CNTN4: variants seen among roughly 807,000 people sequenced by gnomAD.
The protein encoded by CNTN4 is contactin-4.
In CNTN4, 77 loss-of-function variants were observed where a neutral mutation model predicts 122.5. That is an observed-to-expected ratio of 0.63 (90% CI 0.52 to 0.76). CNTN4 has a LOEUF of 0.76. Among genes scored for constraint, CNTN4 ranks in the 30% least tolerant of loss-of-function variants. CNTN4 has a pLI of 0.00. For synonymous variants in CNTN4, 512 were observed against 447.0 expected (o/e 1.15, Z -1.83); for missense variants, 1,256 against 1,259.1 (o/e 1.00, Z 0.04).
At chr3:2,410,002 G>A (rs940814486) in intron 3 of CNTN4, among the ~76,000 whole-genome samples, 2 of 152,078 alleles carry the variant, frequency 1.3e-5, no homozygotes, top group Admixed American at 1.3e-4. Context: ...TTCAGTTTGG[G>A]GGAATGTTAA....
intron 6 of CNTN4, among the ~76,000 whole-genome samples, chr3:2,770,906 T>C (rs1436885070): frequency 2.0e-5 from 3 of 152,232 alleles, no homozygotes; most frequent in African/African-American, 7.2e-5. Flanking sequence ...ATAGTAACAA[T>C]GTGTTTTACT....
chr3:2,608,430 A>G (rs2081346763), intron 4 of CNTN4, among the ~76,000 whole-genome samples: 1 of 152,076 alleles, frequency 6.6e-6, no homozygotes, highest in Non-Finnish European at 1.5e-5. Context: ...ACTGCACTAC[A>G]GCCTGGGCAA....
chr3:2,576,610 C>T (rs1438505920), intron 4 of CNTN4, among the ~76,000 whole-genome samples: 1 of 150,188 alleles, frequency 6.7e-6, no homozygotes, highest in Non-Finnish European at 1.5e-5. Context: ...TGCAGTGGCA[C>T]GATCTTGGCT....
At chr3:2,529,154 C>T (rs188805159) in intron 3 of CNTN4, among the ~76,000 whole-genome samples, 3 of 152,096 alleles carry the variant, frequency 2.0e-5, no homozygotes, top group Non-Finnish European at 2.9e-5. Flanking sequence ...CTCTCTACTT[C>T]TAGGAGATCA....
intron 3 of CNTN4, among the ~76,000 whole-genome samples, chr3:2,521,126 G>C (rs2077197020): frequency 6.6e-6 from 1 of 151,940 alleles, no homozygotes; most frequent in Non-Finnish European, 1.5e-5. Flanking sequence ...ATACTTCTGT[G>C]GTATTTAAGT....
intron 3 of CNTN4, among the ~76,000 whole-genome samples, chr3:2,521,501 G>C (rs1376760941): frequency 6.6e-6 from 1 of 152,048 alleles, no homozygotes; most frequent in Non-Finnish European, 1.5e-5. Context: ...TTTAAGTAGA[G>C]TTGAATGAAT....
chr3:2,218,449 G>A (rs148663895), intron 2 of CNTN4, among the ~76,000 whole-genome samples: 1 of 152,290 alleles, frequency 6.6e-6, no homozygotes, highest in African/African-American at 2.4e-5. Context: ...GAGCCTGGGA[G>A]TTCAAGGATG....
At chr3:2,918,806 C>T (rs1229659990) in intron 12 of CNTN4, among the ~76,000 whole-genome samples, 1 of 152,168 alleles carries the variant, frequency 6.6e-6, no homozygotes, top group African/African-American at 2.4e-5. Flanking sequence ...AAGAGGATGT[C>T]ATGTCCTGTA....
In CNTN4 at chr3:2,504,364, G is replaced by A. The variant is rs899146709; in HGVS notation, c.-88-67052G>A. Among the ~76,000 whole-genome samples the A allele has an allele frequency of 1.9e-4, 29 of 152,118 alleles. 1 individual carries two copies. The highest frequency in any genetic ancestry group is 6.5e-4 in the African/African-American group (27 of 41,434). On this transcript the variant is annotated intron_variant, in intron 3 of 24. Transcript: ENST00000418658. Reference sequence around the variant, plus strand: ...ATAGCTTTTGTGAATAGGTTGATTAGTTGATATCGGCTTCTGTTTCTGAGA... The same window carrying A: ...ATAGCTTTTGTGAATAGGTTGATTAATTGATATCGGCTTCTGTTTCTGAGA...
At position 2,215,482 on chromosome 3, in the gene CNTN4, C is replaced by A. The variant is rs193170930; in HGVS notation, c.-145+114843C>A. 1.5e-3 allele frequency among the ~76,000 whole-genome samples: 224 copies of A among 152,328 alleles called. 4 individuals carry two copies. The highest frequency in any genetic ancestry group is 8.4e-4 in the Non-Finnish European group (57 of 68,028). On this transcript the variant is annotated intron_variant, in intron 2 of 24. Coordinates refer to ENST00000418658, the MANE Select transcript of CNTN4 (RefSeq NM_175607.3). ...AACATTTCTCTAGGGCATATTCCCA[C>A]AGATGTTGAATCACTGGGTTGTAGG...
intron 3 of CNTN4, among the ~76,000 whole-genome samples, chr3:2,423,556 A>G (rs912724670): frequency 6.6e-6 from 1 of 152,032 alleles, no homozygotes; most frequent in Non-Finnish European, 1.5e-5. Context: ...AACATGACTA[A>G]AATGTACCTT....
intron 3 of CNTN4, among the ~76,000 whole-genome samples, chr3:2,391,153 G>A (rs909773308): frequency 2.0e-5 from 3 of 152,138 alleles, no homozygotes; most frequent in African/African-American, 4.8e-5. Context: ...GCCAGAATCC[G>A]AGAAGCACCT....
intron 2 of CNTN4, among the ~76,000 whole-genome samples, chr3:2,266,204 C>T (rs1028791868): frequency 6.6e-6 from 1 of 152,026 alleles, no homozygotes; most frequent in Non-Finnish European, 1.5e-5. Flanking sequence ...GTGAGTTTGT[C>T]ATATATGACC....
In CNTN4 at chr3:2,270,190, C is replaced by T. The variant is rs1443911746; in HGVS notation, c.-144-68988C>T. The stretch of plus-strand genomic sequence containing the variant: ...GGTCTCGATCTCCTGACCTCATGAT[C>T]CACCCGCCTCGGCCTCCCAAAGTGC... On this transcript the variant is annotated intron_variant, in intron 2 of 24. Coordinates refer to ENST00000418658, the MANE Select transcript of CNTN4 (RefSeq NM_175607.3). Among the ~76,000 whole-genome samples the T allele has an allele frequency of 1.6e-4, 6 of 37,628 alleles. 3 individuals are homozygous for T. Among genetic ancestry groups the T allele is most frequent in the African/African-American group, 3.6e-4 (6 of 16,564 alleles). The allele number at this position is 37,628 out of a possible 152,430, so 24.7% of individuals were successfully genotyped here.
At chr3:2,564,650 C>T (rs1243385189) in intron 3 of CNTN4, among the ~76,000 whole-genome samples, 2 of 152,042 alleles carry the variant, frequency 1.3e-5, no homozygotes, top group East Asian at 1.9e-4. Flanking sequence ...GAGCCTGGAA[C>T]GCAGTTATTC....
chr3:2,671,210 G>A (rs973729700), intron 4 of CNTN4, among the ~76,000 whole-genome samples: 13 of 152,094 alleles, frequency 8.5e-5, no homozygotes, highest in East Asian at 1.9e-4. Flanking sequence ...CATTCTCCCC[G>A]TCACTTTCAG....
At chr3:2,842,617 C>G (rs1409374106) in intron 7 of CNTN4, among the ~76,000 whole-genome samples, 3 of 152,198 alleles carry the variant, frequency 2.0e-5, no homozygotes, top group African/African-American at 7.2e-5. Flanking sequence ...GACTCTTACC[C>G]TCAGTCCATT....
rs34067643 is a variant in CNTN4, at chr3:2,636,940, G to GTTT, written c.55+65395_55+65397dup. On this transcript the variant is annotated intron_variant, in intron 4 of 24. Transcript: ENST00000418658. ...TCTTTCTTTGTTTTTTTTTTTTTTG[G>GTTT]TTTTTTTTTTTTTTTGAGATAGCGT... Among the ~76,000 whole-genome samples, 200 of 95,082 alleles carry GTTT rather than the reference G, an allele frequency of 2.1e-3. 3 individuals carry two copies. Among genetic ancestry groups the GTTT allele is most frequent in the Non-Finnish European group, 2.3e-3 (118 of 51,264 alleles). The allele number at this position is 95,082 out of a possible 152,430, so 62.4% of individuals were successfully genotyped here.
At chr3:2,635,704 T>C (rs1161665448) in intron 4 of CNTN4, among the ~76,000 whole-genome samples, 1 of 152,192 alleles carries the variant, frequency 6.6e-6, no homozygotes, top group Non-Finnish European at 1.5e-5. Context: ...CTTGATGAAA[T>C]TGAAACTGGC....
Sources: allele counts gnomAD v4.1 joint callset (sites outside exome capture counted in the v4.1 genomes callset), GRCh38; gene constraint gnomAD v4.1.1; transcripts MANE v1.5; gene names NCBI Gene and HGNC (gene_info 2026-07-23, HGNC 2026-07-21).